Variants in YPEL2 observed in about 807,000 individuals in gnomAD.
YPEL2 encodes protein yippee-like 2.
Under a neutral mutation model 19.1 loss-of-function variants are expected in YPEL2, and 2 were observed. That is an observed-to-expected ratio of 0.10 (90% CI 0.04 to 0.33). The LOEUF (loss-of-function observed/expected upper bound fraction) is 0.33. YPEL2 is among the 10% of genes least tolerant of loss of function. The pLI is 1.00. For synonymous variants in YPEL2, 52 were observed against 50.0 expected (o/e 1.04, Z -0.17); for missense variants, 66 against 140.7 (o/e 0.47, Z 2.68).
At chr17:59,395,441 A>G (rs1181594534) in intron 4 of YPEL2, among the ~76,000 whole-genome samples, 1 of 152,190 alleles carries the variant, frequency 6.6e-6, no homozygotes, top group African/African-American at 2.4e-5. Flanking sequence ...TGGAGCTGAG[A>G]CACAGATGAC....
intron 1 of YPEL2, among the ~76,000 whole-genome samples, chr17:59,336,794 A>G (rs538935790): frequency 5.0e-4 from 76 of 152,234 alleles, no homozygotes; most frequent in African/African-American, 1.8e-3. Flanking sequence ...TCTTAATATA[A>G]GTAAGTAAAG....
chr17:59,339,697 G>A (rs955083197), intron 1 of YPEL2, among the ~76,000 whole-genome samples: 1 of 152,148 alleles, frequency 6.6e-6, no homozygotes, highest in Non-Finnish European at 1.5e-5. Context: ...ACTTGCAAGG[G>A]ACGGGGGATT....
At chr17:59,333,947 G>A (rs937747512) in intron 1 of YPEL2, among the ~76,000 whole-genome samples, 1 of 152,162 alleles carries the variant, frequency 6.6e-6, no homozygotes, top group African/African-American at 2.4e-5. Flanking sequence ...AGTGCAGTCA[G>A]GTATGTGACC....
At chr17:59,348,482 G>A (rs2047768311) in intron 1 of YPEL2, among the ~76,000 whole-genome samples, 1 of 152,242 alleles carries the variant, frequency 6.6e-6, no homozygotes, top group African/African-American at 2.4e-5. Flanking sequence ...CTGTTGGCCG[G>A]GGAGGCGGCA....
In YPEL2 at chr17:59,387,909, A is replaced by C. The variant is rs187106238; in HGVS notation, c.118-418A>C. ...GCTGGACCAAGAGGCCAAGCGAAGG[A>C]GCTTGTGGTGGTTTCCATGCCTGGG... On this transcript the variant is annotated intron_variant, in intron 2 of 4. Coordinates refer to ENST00000312655, the MANE Select transcript of YPEL2 (RefSeq NM_001005404.4). Among the ~76,000 whole-genome samples the C allele has an allele frequency of 2.4e-3, 364 of 152,296 alleles. 1 individual carries two copies. The highest frequency in any genetic ancestry group is 8.3e-3 in the African/African-American group (343 of 41,562).
rs145733733 is a variant in YPEL2 at position 59,334,656 on chromosome 17, A to G, written c.-196+2832A>G. 1.5e-3 allele frequency among the ~76,000 whole-genome samples: 229 copies of G among 152,130 alleles called. 5 individuals are homozygous for G. In the East Asian group the frequency reaches 0.037, roughly 25 times the overall value. On this transcript the variant is annotated intron_variant, in intron 1 of 4. Coordinates refer to ENST00000312655, the MANE Select transcript of YPEL2 (RefSeq NM_001005404.4). Reference sequence around the variant, plus strand: ...TTTTTCCCTCTTAGTTATTGTGTCCAGACATATTGGTAGGATACATTTATT... The same window carrying G: ...TTTTTCCCTCTTAGTTATTGTGTCCGGACATATTGGTAGGATACATTTATT...
chr17:59,395,238 C>T (rs78885517), intron 4 of YPEL2, among the ~76,000 whole-genome samples: 1 of 151,844 alleles, frequency 6.6e-6, no homozygotes, highest in Non-Finnish European at 1.5e-5. Context: ...TGCACAGAGA[C>T]GGAATAATGA....
At chr17:59,389,551 T>C in intron 4 of YPEL2, 83 bp downstream of exon 4, 1 of 1,068,124 alleles carries the variant, frequency 9.4e-7, no homozygotes, top group Non-Finnish European at 1.4e-6. Context: ...TTCTACTCGC[T>C]TTCCATGGCC....
In YPEL2 at chr17:59,356,305, A is replaced by C. The variant is rs75200579; in HGVS notation, c.117+2779A>C. On this transcript the variant is annotated intron_variant, in intron 2 of 4. Transcript: ENST00000312655. The stretch of plus-strand genomic sequence containing the variant: ...GAAAGCTTGACATTCGTTTGGTGCA[A>C]AAAAAAAAAAAAAAGTGAGTGCTTT... 11 of 141,630 alleles carry C rather than the reference A, an allele frequency of 7.8e-5. No homozygotes were observed. The East Asian group carries it at 2.0e-3, about 25-fold the overall frequency. The allele number at this position is 141,630 out of a possible 1,614,324, so 8.8% of individuals were successfully genotyped here. A position where few individuals can be genotyped will look rare whatever the true frequency, so the allele number is the denominator to read the frequency against.
chr17:59,361,401 C>G (rs2047840259), intron 2 of YPEL2, among the ~76,000 whole-genome samples: 1 of 152,138 alleles, frequency 6.6e-6, no homozygotes, highest in Non-Finnish European at 1.5e-5. Context: ...ATAATAGATT[C>G]ATGTTATGCC....
chr17:59,358,650 T>C (rs2047825106), intron 2 of YPEL2, among the ~76,000 whole-genome samples: 1 of 152,012 alleles, frequency 6.6e-6, no homozygotes, highest in African/African-American at 2.4e-5. Context: ...ATTCTTGTTG[T>C]CCAGGCTGGA....
At position 59,331,797 on chromosome 17, in the gene YPEL2, C is replaced by T. The variant is rs1056810532; in HGVS notation, c.-223C>T. On this transcript the variant is annotated 5_prime_UTR_variant, in exon 1 of 5. Transcript: ENST00000312655. ...CACCCCAGCGGAGCCAAGCCCCACG[C>T]TGGCCGGACAGGGCCGCCTGTCGCC... 1.3e-5 allele frequency: 2 copies of T among 151,910 alleles called. No individual in the cohort carries two copies. The highest frequency in any genetic ancestry group is 2.9e-5 in the Non-Finnish European group (2 of 67,986). The allele number at this position is 151,910 out of a possible 1,614,324, so 9.4% of individuals were successfully genotyped here. A position where few individuals can be genotyped will look rare whatever the true frequency, so the allele number is the denominator to read the frequency against.
At chr17:59,373,903 G>A (rs1460060674) in intron 2 of YPEL2, among the ~76,000 whole-genome samples, 1 of 152,222 alleles carries the variant, frequency 6.6e-6, no homozygotes, top group Non-Finnish European at 1.5e-5. Flanking sequence ...GGAATTATCA[G>A]ATAAGGTCGG....
At chr17:59,388,006 A>G (rs2047989448) in intron 2 of YPEL2, among the ~76,000 whole-genome samples, 1 of 152,186 alleles carries the variant, frequency 6.6e-6, no homozygotes, top group African/African-American at 2.4e-5. Flanking sequence ...AATGCGGATT[A>G]ATGATCTCAG....
intron 3 of YPEL2, chr17:59,389,139 T>G: frequency 1.8e-6 from 1 of 546,020 alleles, no homozygotes. Flanking sequence ...ATAAAGATTA[T>G]TTCGGTAGAC....
At chr17:59,355,066 A>C (rs1197375999) in intron 2 of YPEL2, 2 of 152,000 alleles carry the variant, frequency 1.3e-5, no homozygotes, top group Non-Finnish European at 2.9e-5. Context: ...GCAAGGAAGC[A>C]GTGCCATGTA....
intron 1 of YPEL2, among the ~76,000 whole-genome samples, chr17:59,349,881 A>G (rs911376335): frequency 6.6e-6 from 1 of 151,430 alleles, no homozygotes; most frequent in Non-Finnish European, 1.5e-5. Flanking sequence ...GGATGGTCTC[A>G]ATCTCTTGAC....
rs566182114 is a variant in YPEL2 at position 59,349,279 on chromosome 17, A to AT, written c.-195-3930dup. On this transcript the variant is annotated intron_variant, in intron 1 of 4. Coordinates refer to ENST00000312655, the MANE Select transcript of YPEL2 (RefSeq NM_001005404.4). Reference sequence around the variant, plus strand: ...AGGGAAGAAGACAGTGCAGATGTTGATTTTTTGGTCCCCATCTCTCAGCTT... The same window carrying AT: ...AGGGAAGAAGACAGTGCAGATGTTGATTTTTTTGGTCCCCATCTCTCAGCTT... 3.6e-4 allele frequency among the ~76,000 whole-genome samples: 53 copies of AT among 148,068 alleles called. 1 individual carries two copies. Among genetic ancestry groups the AT allele is most frequent in the Middle Eastern group, 7.1e-3 (2 of 280 alleles).
At chr17:59,373,112 C>G (rs2047904662) in intron 2 of YPEL2, among the ~76,000 whole-genome samples, 1 of 152,204 alleles carries the variant, frequency 6.6e-6, no homozygotes, top group Non-Finnish European at 1.5e-5. Flanking sequence ...CGTGATCCAC[C>G]TGCCTCAGCC....
Sources: gnomAD v4.1 joint callset for allele counts (sites outside exome capture counted in the v4.1 genomes callset) on GRCh38, gnomAD v4.1.1 for gene constraint, MANE v1.5 for transcripts, NCBI Gene and HGNC (gene_info 2026-07-23, HGNC 2026-07-21) for gene names.